The following RGS12 variants were observed in gnomAD, a reference collection of about 807,000 sequenced individuals.
RGS12 encodes regulator of G-protein signaling 12.
A neutral mutation model predicts 120.1 loss-of-function variants in RGS12; 66 were observed. The observed-to-expected ratio is 0.55, with a 90% CI of 0.45 to 0.67. The LOEUF is 0.67. Among genes scored for constraint, RGS12 ranks in the 30% least tolerant of loss-of-function variants. RGS12 has a pLI of 0.00. For synonymous variants in RGS12, 827 were observed against 804.7 expected (o/e 1.03, Z -0.47); for missense variants, 1,859 against 1,957.7 (o/e 0.95, Z 0.95).
intron 2 of RGS12, among the ~76,000 whole-genome samples, chr4:3,322,307 T>C (rs16844169): frequency 0.038 from 5,827 of 152,282 alleles, 292 homozygotes; most frequent in African/African-American, 0.12. Flanking sequence ...GTAGACTCGC[T>C]GAGGGTCTGA....
intron 1 of RGS12, among the ~76,000 whole-genome samples, chr4:3,293,817 G>C (rs1441866029): frequency 1.3e-5 from 2 of 150,792 alleles, no homozygotes; most frequent in Non-Finnish European, 3.0e-5. Flanking sequence ...CAGAGCCGTG[G>C]AGTGTAGACC....
In RGS12 at chr4:3,374,949, G is replaced by C. The variant is rs529636408; in HGVS notation, c.1999-11467G>C. Among the ~76,000 whole-genome samples the C allele has an allele frequency of 1.3e-5, 2 of 152,218 alleles. No individual in the cohort carries two copies. The highest frequency in any genetic ancestry group is 2.9e-5 in the Non-Finnish European group (2 of 68,044). ...CCAGCATCTCAGGATGGCTCGCCAC[G>C]TCATGGGGGCTCAGCAGATGCTTTG... On this transcript the variant is annotated intron_variant, in intron 3 of 17. Transcript: ENST00000336727. The surrounding 1 kb of genome is among the most constrained non-coding windows in gnomAD (Gnocchi z 6.3).
rs151076554 is a variant in RGS12, at chr4:3,422,966, G to A, written c.3095G>A (p.Arg1032His). 11 of 1,612,876 alleles carry A rather than the reference G, an allele frequency of 6.8e-6. No individual in the cohort carries two copies. The African/African-American group carries it at 9.3e-5, about 14-fold the overall frequency. ...TCAAGGGACCTGCGCCTAGAAAAGC[G>A]CACCTTGTTTCGGTAAGAGGAAGAT... ...LESRDLRLEK[R>H]TLFRLDLVPI... Residue 1032 changes from arginine (R) to histidine (H), a missense_variant, in exon 12 of 18, where the codon CGC (arginine) becomes CAC (histidine). Physicochemically the swap from Arg to His is conservative, Grantham distance 29 (BLOSUM62 0). Around this residue, in one of 3 missense-constraint regions of RGS12, gnomAD observed 375 missense variants for 475.0 expected, o/e 0.79. Coordinates refer to ENST00000336727, the MANE Select transcript of RGS12 (RefSeq NM_001394154.1).
At chr4:3,388,763 T>TG (rs1431164916) in intron 4 of RGS12, among the ~76,000 whole-genome samples, 6 of 151,940 alleles carry the variant, frequency 3.9e-5, no homozygotes, top group African/African-American at 7.2e-5. Flanking sequence ...GGGGTCGGGG[T>TG]GGGGGGGTGG....
At chr4:3,301,312 A>T (rs1723673562) in intron 1 of RGS12, among the ~76,000 whole-genome samples, 1 of 152,232 alleles carries the variant, frequency 6.6e-6, no homozygotes, top group Non-Finnish European at 1.5e-5. Flanking sequence ...GAACATTGGC[A>T]ATGATTTTGT....
chr4:3,396,211 G>A (rs1720035886), intron 4 of RGS12, among the ~76,000 whole-genome samples: 3 of 152,136 alleles, frequency 2.0e-5, no homozygotes, highest in Non-Finnish European at 4.4e-5. Context: ...TTGGATTTAT[G>A]TGTTTGTGAT....
At chr4:3,338,955 G>A (rs543908881) in intron 2 of RGS12, among the ~76,000 whole-genome samples, 5 of 152,174 alleles carry the variant, frequency 3.3e-5, no homozygotes, top group Non-Finnish European at 7.3e-5. Context: ...ACGAGTAAAC[G>A]CTGGTCTCTC....
In RGS12 at chr4:3,423,766, C is replaced by T. The variant is rs949004293; in HGVS notation, c.3234+125C>T. The T allele has an allele frequency of 6.3e-6, 8 of 1,264,728 alleles. No individual in the cohort carries two copies. The South Asian group carries it at 1.2e-4, about 19-fold the overall frequency. 78.3% of individuals were successfully genotyped at this position (1,264,728 alleles called of 1,614,324 possible). On this transcript the variant is annotated intron_variant, in intron 13 of 17. Coordinates refer to ENST00000336727, the MANE Select transcript of RGS12 (RefSeq NM_001394154.1). ...GTGTCTTCCCCTGATCTGGTTGTCC[C>T]CCTTGGAGGAGAGGAGACAGCCTCT...
chr4:3,376,315 C>G (rs966460599), intron 3 of RGS12, among the ~76,000 whole-genome samples: 5 of 151,520 alleles, frequency 3.3e-5, no homozygotes, highest in African/African-American at 1.2e-4. Context: ...AAGCGCAGGT[C>G]TGTGTCTCAG....
At chr4:3,412,027 A>G (rs1721791379) in intron 4 of RGS12, among the ~76,000 whole-genome samples, 1 of 152,276 alleles carries the variant, frequency 6.6e-6, no homozygotes, top group Non-Finnish European at 1.5e-5. Context: ...ACAGATCAAC[A>G]GCATGGTGGA....
Position 3,414,224 on chromosome 4 carries a change from G to T in RGS12, c.2173G>T (p.Gly725Cys). ...TGAGCGCCTGCTGCAGGACCCCGTC[G>T]GTGTCCGCTACTTCTCTGTGAGTAG... ...SFERLLQDPVGVRYFSDFLRK... is the reference protein window; with the variant it reads ...SFERLLQDPVCVRYFSDFLRK... Residue 725 changes from glycine to cysteine, a missense_variant, in exon 5 of 18, where the codon GGT becomes TGT. Gly to Cys is a radical substitution (Grantham distance 159). Coordinates refer to ENST00000336727, the MANE Select transcript of RGS12 (RefSeq NM_001394154.1). 1 of 1,544,046 alleles carries T rather than the reference G, an allele frequency of 6.5e-7. No homozygotes were observed.
rs1365119051 is a variant in RGS12 at position 3,366,536 on chromosome 4, C to T, written c.1999-19880C>T. On this transcript the variant is annotated intron_variant, in intron 3 of 17. Coordinates refer to ENST00000336727, the MANE Select transcript of RGS12 (RefSeq NM_001394154.1). The surrounding 1 kb of genome is among the most constrained non-coding windows in gnomAD (Gnocchi z 4.0). Reference sequence around the variant, plus strand: ...AGCTGAGAGTGAGGTGGTCCGGCCCCGTGAAGGAGGCAGCAGGGCTTGCGG... The same window carrying T: ...AGCTGAGAGTGAGGTGGTCCGGCCCTGTGAAGGAGGCAGCAGGGCTTGCGG... Among the ~76,000 whole-genome samples the T allele has an allele frequency of 1.3e-5, 2 of 152,178 alleles. No homozygotes were observed. Among genetic ancestry groups the T allele is most frequent in the Non-Finnish European group, 2.9e-5 (2 of 68,022 alleles).
intron 1 of RGS12, among the ~76,000 whole-genome samples, chr4:3,303,868 G>A (rs1022051026): frequency 2.6e-5 from 4 of 152,168 alleles, no homozygotes; most frequent in Non-Finnish European, 4.4e-5. Context: ...TCAAAGAAAC[G>A]AAGCATTCTG....
At chr4:3,362,318 TCG>T (rs903317466) in intron 3 of RGS12, among the ~76,000 whole-genome samples, 1 of 152,140 alleles carries the variant, frequency 6.6e-6, no homozygotes, top group Non-Finnish European at 1.5e-5. Flanking sequence ...GACCAGTGTG[TCG>T]CCTCATGTCA....
At chr4:3,403,202 T>G (rs958729591) in intron 4 of RGS12, among the ~76,000 whole-genome samples, 7 of 152,258 alleles carry the variant, frequency 4.6e-5, no homozygotes, top group Admixed American at 3.3e-4. Flanking sequence ...TTTGCTGGGC[T>G]CTGCCAGAAT....
intron 1 of RGS12, among the ~76,000 whole-genome samples, chr4:3,311,415 A>G (rs766843890): frequency 6.6e-6 from 1 of 152,120 alleles, no homozygotes; most frequent in Non-Finnish European, 1.5e-5. Flanking sequence ...CATGGCAGCA[A>G]TATTTATTTC....
chr4:3,361,554 G>T (rs1715563897), intron 3 of RGS12, among the ~76,000 whole-genome samples: 1 of 152,188 alleles, frequency 6.6e-6, no homozygotes, highest in South Asian at 2.1e-4. Flanking sequence ...ATGGCGAGGG[G>T]CAGGCTGGCC....
intron 3 of RGS12, among the ~76,000 whole-genome samples, chr4:3,347,991 A>G (rs1473150822): frequency 2.6e-5 from 4 of 152,244 alleles, no homozygotes; most frequent in African/African-American, 7.2e-5. Flanking sequence ...TTTTTATACA[A>G]TTTACCAGAT....
chr4:3,293,858 CAGAG>C (rs1238068001), intron 1 of RGS12, among the ~76,000 whole-genome samples: 2 of 92,284 alleles, frequency 2.2e-5, no homozygotes, highest in Non-Finnish European at 4.3e-5. Context: ...GGAGTGTAGA[CAGAG>C]AGAGGGCCCA....
Sources: allele counts gnomAD v4.1 joint callset (sites outside exome capture counted in the v4.1 genomes callset), GRCh38; gene constraint gnomAD v4.1.1; regional missense constraint gnomAD v4.1.1; non-coding constraint Gnocchi (gnomAD v3.1); transcripts MANE v1.5; gene names NCBI Gene and HGNC (gene_info 2026-07-23, HGNC 2026-07-21).